The following TRIM44 variants were observed in gnomAD, a reference collection of about 807,000 sequenced individuals.
TRIM44 encodes the protein tripartite motif-containing protein 44.
Under a neutral mutation model 37.4 loss-of-function variants are expected in TRIM44, and 13 were observed. The ratio of observed to expected loss-of-function variants is 0.35; its 90% CI spans 0.23 to 0.55. The LOEUF (loss-of-function observed/expected upper bound fraction) is 0.55, where lower values mean the gene tolerates loss of function less well. Among genes scored for constraint, TRIM44 ranks in the 20% least tolerant of loss-of-function variants. TRIM44 has a pLI of 0.89. For missense variants in TRIM44, 426 were observed against 437.2 expected, an observed-to-expected ratio of 0.97 and a Z score of 0.23; for synonymous variants, 175 against 157.2, an observed-to-expected ratio of 1.11 and a Z score of -0.85.
chr11:35,744,591 C>T (rs1852462325), intron 4 of TRIM44, among the ~76,000 whole-genome samples: 1 of 151,844 alleles, frequency 6.6e-6, no homozygotes, highest in Admixed American at 6.6e-5. Flanking sequence ...TTCAGGGGTA[C>T]ATGTGCAGGA....
chr11:35,796,560 G>GGGAA (rs1853293059), intron 4 of TRIM44, among the ~76,000 whole-genome samples: 1 of 152,182 alleles, frequency 6.6e-6, no homozygotes, highest in East Asian at 1.9e-4. Context: ...ACAGGAAGCA[G>GGGAA]GGAAGGCAAG....
At chr11:35,729,378 A>T (rs929088293) in intron 3 of TRIM44, among the ~76,000 whole-genome samples, 3 of 152,134 alleles carry the variant, frequency 2.0e-5, no homozygotes, top group Admixed American at 2.0e-4. Flanking sequence ...TGCTCCTCCC[A>T]GTAATGAGTG....
At chr11:35,760,580 C>T (rs1044981652) in intron 4 of TRIM44, among the ~76,000 whole-genome samples, 16 of 152,336 alleles carry the variant, frequency 1.1e-4, no homozygotes, top group South Asian at 2.1e-4. Flanking sequence ...TCGTCTTCTG[C>T]GTCACTCATG....
chr11:35,720,576 TGAAAA>T (rs1852094778), intron 2 of TRIM44, among the ~76,000 whole-genome samples: 1 of 152,198 alleles, frequency 6.6e-6, no homozygotes, highest in Non-Finnish European at 1.5e-5. Context: ...AGTACAGTGT[TGAAAA>T]GAAAAGGTGA....
intron 4 of TRIM44, among the ~76,000 whole-genome samples, chr11:35,774,402 C>T (rs530189450): frequency 1.2e-4 from 18 of 152,264 alleles, no homozygotes; most frequent in Middle Eastern, 3.4e-3. Flanking sequence ...TAAAAATTTT[C>T]TCCCATTCTG....
At chr11:35,797,036 G>T (rs1257432606) in intron 4 of TRIM44, among the ~76,000 whole-genome samples, 1 of 152,186 alleles carries the variant, frequency 6.6e-6, no homozygotes, top group Admixed American at 6.5e-5. Context: ...CATATCTCTT[G>T]TGTTCTTTGC....
intron 4 of TRIM44, among the ~76,000 whole-genome samples, chr11:35,797,524 A>G (rs1409317798): frequency 6.6e-6 from 1 of 152,232 alleles, no homozygotes; most frequent in East Asian, 1.9e-4. Flanking sequence ...TACCTCAGCC[A>G]GGTGGTCAAG....
chr11:35,697,591 T>C (rs1851721339), intron 2 of TRIM44, among the ~76,000 whole-genome samples: 2 of 151,778 alleles, frequency 1.3e-5, no homozygotes, highest in South Asian at 4.2e-4. Context: ...CTCCTAATGC[T>C]ATCCCTCCCC....
intron 2 of TRIM44, among the ~76,000 whole-genome samples, chr11:35,705,404 A>G (rs1851865710): frequency 6.6e-6 from 1 of 152,226 alleles, no homozygotes; most frequent in South Asian, 2.1e-4. Context: ...GCTCTGCACC[A>G]AGTGGACCTA....
chr11:35,703,169 T>C (rs1406824539), intron 2 of TRIM44, among the ~76,000 whole-genome samples: 3 of 152,112 alleles, frequency 2.0e-5, no homozygotes, highest in Non-Finnish European at 4.4e-5. Flanking sequence ...CACAGCAGAC[T>C]GAGATAAACC....
At chr11:35,775,677 A>G (rs950084165) in intron 4 of TRIM44, among the ~76,000 whole-genome samples, 10 of 152,246 alleles carry the variant, frequency 6.6e-5, no homozygotes, top group African/African-American at 1.7e-4. Flanking sequence ...TTTTTAGCAT[A>G]AAGTGCTGTT....
At chr11:35,732,552 A>G (rs143243353) in intron 3 of TRIM44, among the ~76,000 whole-genome samples, 73 of 152,318 alleles carry the variant, frequency 4.8e-4, no homozygotes, top group African/African-American at 1.6e-3. Context: ...CACAAGTTCT[A>G]TTCTCAAGGA....
At chr11:35,703,347 A>C in intron 2 of TRIM44, among the ~76,000 whole-genome samples, 1 of 152,254 alleles carries the variant, frequency 6.6e-6, no homozygotes, top group Non-Finnish European at 1.5e-5. Flanking sequence ...ACAAACAAAA[A>C]GACAGCAGTA....
chr11:35,703,891 C>T (rs182936063), intron 2 of TRIM44, among the ~76,000 whole-genome samples: 251 of 152,288 alleles, frequency 1.6e-3, no homozygotes, highest in African/African-American at 5.3e-3. Context: ...TCACCAGCAA[C>T]GGAACAAAGC....
intron 4 of TRIM44, among the ~76,000 whole-genome samples, chr11:35,746,446 C>CTTTTTTTTTTTT (rs5791065): frequency 7.5e-5 from 7 of 93,188 alleles, no homozygotes; most frequent in South Asian, 4.5e-4. Context: ...GGGGGTCCTT[C>CTTTTTTTTTTTT]TTTTTTTTTT....
chr11:35,663,109 C>A lies in TRIM44; in HGVS notation c.-3C>A, dbSNP rs1162397723. 2.0e-6 allele frequency: 3 copies of A among 1,511,848 alleles called. No individual in the cohort carries two copies. Among genetic ancestry groups the A allele is most frequent in the African/African-American group, 2.8e-5 (2 of 71,814 alleles). The allele number at this position is 1,511,848 out of a possible 1,614,324, so 93.7% of individuals were successfully genotyped here. On this transcript the variant is annotated 5_prime_UTR_variant, in exon 1 of 5. Coordinates refer to ENST00000299413, the MANE Select transcript of TRIM44 (RefSeq NM_017583.6). ...GAGGCCTTGGCCGCGTCACAGCACC[C>A]ACATGGCCTCTGGAGTGGGCGCGGC...
chr11:35,666,238 T>C (rs1361786763), intron 1 of TRIM44, among the ~76,000 whole-genome samples: 1 of 152,210 alleles, frequency 6.6e-6, no homozygotes, highest in Non-Finnish European at 1.5e-5. Flanking sequence ...GGTTCTTCTG[T>C]TCTCTACTGT....
chr11:35,764,742 G>A (rs931099012), intron 4 of TRIM44, among the ~76,000 whole-genome samples: 7 of 152,152 alleles, frequency 4.6e-5, no homozygotes, highest in African/African-American at 1.7e-4. Context: ...ACAAAGCTGA[G>A]TGGCCATCAA....
At chr11:35,678,648 T>C (rs1379916095) in intron 1 of TRIM44, among the ~76,000 whole-genome samples, 1 of 149,292 alleles carries the variant, frequency 6.7e-6, no homozygotes, top group African/African-American at 2.5e-5. Flanking sequence ...TGTCTCACTC[T>C]GTTGCTCAGG....
Sources: gnomAD v4.1 joint callset for allele counts (sites outside exome capture counted in the v4.1 genomes callset) on GRCh38, gnomAD v4.1.1 for gene constraint, MANE v1.5 for transcripts, NCBI Gene and HGNC (gene_info 2026-07-23, HGNC 2026-07-21) for gene names.